The following TASP1 variants were observed in gnomAD, a reference collection of about 807,000 sequenced individuals.
TASP1 encodes threonine aspartase 1.
TASP1 carries 16 observed loss-of-function variants against 56.6 expected under a neutral mutation model. That is an observed-to-expected ratio of 0.28 (90% CI 0.19 to 0.43). The LOEUF (loss-of-function observed/expected upper bound fraction) is 0.43, where lower values mean the gene tolerates loss of function less well. Among genes scored for constraint, TASP1 ranks in the 20% least tolerant of loss-of-function variants. The pLI, the probability that TASP1 is intolerant of heterozygous loss-of-function variation, is 1.00. For synonymous variants in TASP1, 179 were observed against 184.2 expected (o/e 0.97, Z 0.23); for missense variants, 393 against 511.6 (o/e 0.77, Z 2.24).
intron 10 of TASP1, among the ~76,000 whole-genome samples, chr20:13,524,579 A>G (rs146735900): frequency 3.3e-3 from 499 of 152,302 alleles, no homozygotes; most frequent in African/African-American, 0.011. Context: ...TCTTTCCTCA[A>G]GAGTTTATCT....
At chr20:13,183,233 T>C in the TASP1 span, among the ~76,000 whole-genome samples, 3 of 152,208 alleles carry the variant, frequency 2.0e-5, no homozygotes, top group African/African-American at 4.8e-5. Context: ...GACTGACTCA[T>C]CTAAGGCTTC....
At chr20:13,493,165 A>C (rs1441756749) in intron 10 of TASP1, among the ~76,000 whole-genome samples, 1 of 152,194 alleles carries the variant, frequency 6.6e-6, no homozygotes, top group Non-Finnish European at 1.5e-5. Flanking sequence ...CAAAAAAACA[A>C]ACAAACAAAA....
Position 13,390,424 on chromosome 20 carries a change from G to T in TASP1, c.1199C>A (p.Ala400Glu). The T allele has an allele frequency of 6.2e-7, 1 of 1,613,774 alleles. No individual in the cohort carries two copies. Among genetic ancestry groups the T allele is most frequent in the Non-Finnish European group, 8.5e-7 (1 of 1,179,850 alleles). Reference sequence around the variant, plus strand: ...GATTGCCACAGACTGTCCTGCCACCGCACCAGGAGGAAGTCTTGAAATGTG... The same window carrying T: ...GATTGCCACAGACTGTCCTGCCACCTCACCAGGAGGAAGTCTTGAAATGTG... ...KTHISRLPPG[A>E]VAGQSVAIEG... Residue 400 changes from alanine (A) to glutamate (E), a missense_variant, in exon 14 of 14, where the codon GCG (alanine) becomes GAG (glutamate). Around this residue, in one of 3 missense-constraint regions of TASP1, gnomAD observed 293 missense variants for 354.2 expected, o/e 0.83. Transcript: ENST00000337743.
At chr20:13,628,367 A>G (rs1020797706) in intron 2 of TASP1, among the ~76,000 whole-genome samples, 21 of 152,234 alleles carry the variant, frequency 1.4e-4, no homozygotes, top group Non-Finnish European at 2.9e-5. Flanking sequence ...ATAATGGAAG[A>G]TGTACCATCA....
intron 13 of TASP1, 66 bp from the exon 14 acceptor site, chr20:13,390,518 C>A (rs960216214): frequency 2.1e-6 from 3 of 1,455,764 alleles, no homozygotes; most frequent in South Asian, 2.3e-5. Flanking sequence ...CACCCCTACC[C>A]GTGTCCAAAA....
intron 10 of TASP1, among the ~76,000 whole-genome samples, chr20:13,505,751 C>A (rs371480025): frequency 2.0e-5 from 3 of 152,002 alleles, no homozygotes; most frequent in African/African-American, 7.2e-5. Context: ...TGTATGTGTG[C>A]AGAAAAAGCA....
intron 13 of TASP1, among the ~76,000 whole-genome samples, chr20:13,394,406 T>A (rs12151884): frequency 6.6e-6 from 1 of 150,988 alleles, no homozygotes; most frequent in Non-Finnish European, 1.5e-5. Flanking sequence ...GTCAGGAGTT[T>A]GAGACCATCC....
the TASP1 span, among the ~76,000 whole-genome samples, chr20:13,357,851 A>T: frequency 1.4e-4 from 21 of 149,076 alleles, no homozygotes; most frequent in Non-Finnish European, 2.6e-4. Flanking sequence ...TCTCACAAAC[A>T]CAAGAAAAAA....
the TASP1 span, among the ~76,000 whole-genome samples, chr20:13,129,787 T>C: frequency 1.5e-3 from 235 of 152,360 alleles, 1 homozygote; most frequent in African/African-American, 5.4e-3. Context: ...CATTTGCTCC[T>C]CAGTAATCAT....
the TASP1 span, among the ~76,000 whole-genome samples, chr20:13,220,006 A>T: frequency 3.9e-5 from 6 of 152,130 alleles, no homozygotes; most frequent in African/African-American, 1.4e-4. Context: ...ATTTAATTTC[A>T]TTCACCAAGG....
chr20:13,234,693 C>G, the TASP1 span, among the ~76,000 whole-genome samples: 1 of 152,072 alleles, frequency 6.6e-6, no homozygotes. Context: ...ATTTTTATTT[C>G]TCTGATAATT....
chr20:13,479,254 T>C (rs1025633852), intron 11 of TASP1, among the ~76,000 whole-genome samples: 1 of 152,120 alleles, frequency 6.6e-6, no homozygotes, highest in Non-Finnish European at 1.5e-5. Flanking sequence ...TCACTAGATA[T>C]TTTATACAAA....
chr20:13,481,060 T>A (rs753150222), intron 11 of TASP1, among the ~76,000 whole-genome samples: 3 of 152,162 alleles, frequency 2.0e-5, no homozygotes, highest in Non-Finnish European at 4.4e-5. Flanking sequence ...TCATTCTTTC[T>A]TATTTTTTTG....
chr20:13,465,152 C>A (rs1600878965), intron 11 of TASP1, among the ~76,000 whole-genome samples: 1 of 112,242 alleles, frequency 8.9e-6, no homozygotes, highest in Non-Finnish European at 1.7e-5. Flanking sequence ...GCCTAGGTGA[C>A]AGAGCAAGAC....
At chr20:13,497,395 A>T (rs2043772746) in intron 10 of TASP1, among the ~76,000 whole-genome samples, 1 of 152,228 alleles carries the variant, frequency 6.6e-6, no homozygotes, top group Non-Finnish European at 1.5e-5. Flanking sequence ...GTGAGACCAG[A>T]GTGGTAAGAC....
At chr20:13,165,105 C>T in the TASP1 span, 2 of 441,224 alleles carry the variant, frequency 4.5e-6, no homozygotes, top group East Asian at 3.9e-5. Context: ...GAAATACACA[C>T]ACACACACAC....
At chr20:13,584,303 TAAGA>T (rs1207879484) in intron 5 of TASP1, among the ~76,000 whole-genome samples, 1 of 151,986 alleles carries the variant, frequency 6.6e-6, no homozygotes, top group African/African-American at 2.4e-5. Flanking sequence ...TGAGAGACTT[TAAGA>T]AATACAAAAT....
chr20:13,129,857 C>T, the TASP1 span, among the ~76,000 whole-genome samples: 1 of 152,096 alleles, frequency 6.6e-6, no homozygotes, highest in East Asian at 1.9e-4. Flanking sequence ...TCTCTCTTAG[C>T]CTTATACCTA....
the TASP1 span, chr20:13,279,711 A>G: frequency 6.2e-7 from 1 of 1,614,076 alleles, no homozygotes; most frequent in Non-Finnish European, 8.5e-7. Context: ...CCAGCTGGTC[A>G]GTCCCATCCC....
Sources: gnomAD v4.1 joint callset for allele counts (sites outside exome capture counted in the v4.1 genomes callset) on GRCh38, gnomAD v4.1.1 for gene constraint, gnomAD v4.1.1 regional missense constraint, MANE v1.5 for transcripts, NCBI Gene and HGNC (gene_info 2026-07-23, HGNC 2026-07-21) for gene names.